The following ARL8B variants were observed in gnomAD, a reference collection of about 807,000 sequenced individuals.
The protein encoded by ARL8B is ARF like GTPase 8B.
Under a neutral mutation model 30.6 loss-of-function variants are expected in ARL8B, and 9 were observed. The ratio of observed to expected loss-of-function variants is 0.29; its 90% CI spans 0.18 to 0.51. ARL8B has a LOEUF of 0.51. Ranked by LOEUF, ARL8B falls within the 20% of genes least tolerant of loss-of-function variation. The pLI is 0.97. For synonymous variants in ARL8B, 74 were observed against 76.0 expected (o/e 0.97, Z 0.14); for missense variants, 130 against 227.2 (o/e 0.57, Z 2.75).
chr3:5,162,412 A>C (rs2054591263), intron 1 of ARL8B, among the ~76,000 whole-genome samples: 1 of 152,164 alleles, frequency 6.6e-6, no homozygotes. Flanking sequence ...TTTTTGGAAG[A>C]GTTAGATTTG....
chr3:5,126,052 C>CA (rs780192571), intron 1 of ARL8B, among the ~76,000 whole-genome samples: 38 of 151,510 alleles, frequency 2.5e-4, no homozygotes, highest in Non-Finnish European at 4.9e-4. Flanking sequence ...AGAAAAAAGA[C>CA]ATCTGGGCTG....
chr3:5,128,146 G>C (rs899043853), intron 1 of ARL8B, among the ~76,000 whole-genome samples: 12 of 124,858 alleles, frequency 9.6e-5, no homozygotes, highest in Middle Eastern at 6.8e-3. Context: ...CTGGGCAACA[G>C]AGTGAAAATC....
intron 1 of ARL8B, among the ~76,000 whole-genome samples, chr3:5,163,742 C>T (rs1422210084): frequency 2.6e-5 from 4 of 152,016 alleles, no homozygotes; most frequent in South Asian, 4.2e-4. Flanking sequence ...TGGTGGCACG[C>T]GCGTGTAATC....
chr3:5,156,184 TC>T (rs2054531724), intron 1 of ARL8B, among the ~76,000 whole-genome samples: 1 of 152,004 alleles, frequency 6.6e-6, no homozygotes, highest in African/African-American at 2.4e-5. Flanking sequence ...ATTATAGGCG[TC>T]AGCCCCCGCA....
At chr3:5,142,884 C>T (rs150900533) in intron 1 of ARL8B, among the ~76,000 whole-genome samples, 5 of 152,234 alleles carry the variant, frequency 3.3e-5, no homozygotes, top group Non-Finnish European at 5.9e-5. Context: ...TATAGGGTTG[C>T]GTTCTAAATT....
intron 1 of ARL8B, among the ~76,000 whole-genome samples, chr3:5,141,932 T>C (rs1394482521): frequency 6.6e-6 from 1 of 152,228 alleles, no homozygotes; most frequent in East Asian, 1.9e-4. Context: ...AGAAGAGTGC[T>C]GACTCAAACC....
rs2054759565 is a variant in ARL8B, at chr3:5,179,564, C to G, written c.*851C>G. ...GAGCATTCCACCCAATATAATAAAA[C>G]CTGTTAAGAATGTCAGTCTTTGTTC... On this transcript the variant is annotated 3_prime_UTR_variant, in exon 7 of 7. Coordinates refer to ENST00000256496, the MANE Select transcript of ARL8B (RefSeq NM_018184.3). The G allele has an allele frequency of 6.6e-6, 1 of 152,564 alleles. No homozygotes were observed. Among genetic ancestry groups the G allele is most frequent in the Non-Finnish European group, 1.5e-5 (1 of 68,024 alleles). 9.5% of individuals were successfully genotyped at this position (152,564 alleles called of 1,614,324 possible).
intron 1 of ARL8B, 78 bp downstream of exon 1, chr3:5,122,666 G>A: frequency 6.7e-7 from 1 of 1,496,870 alleles, no homozygotes; most frequent in South Asian, 1.3e-5. Context: ...GCCTGAGTTG[G>A]GGCCCCCCTC....
chr3:5,161,305 AAGAC>A (rs2054578291), intron 1 of ARL8B, among the ~76,000 whole-genome samples: 1 of 152,194 alleles, frequency 6.6e-6, no homozygotes, highest in African/African-American at 2.4e-5. Context: ...ACATCAAAAA[AAGAC>A]AAAACAAAAA....
rs998594738 is a variant in ARL8B, at chr3:5,131,128, G to C, written c.123+8540G>C. On this transcript the variant is annotated intron_variant, in intron 1 of 6. Transcript: ENST00000256496. ...AGGTTTCACCATGTGGGCCAGGCTG[G>C]TGTCAAACTCCTGTGATCTGTCCGC... 2.6e-5 allele frequency among the ~76,000 whole-genome samples: 4 copies of C among 152,024 alleles called. No homozygotes were observed. In the East Asian group the frequency reaches 7.8e-4, roughly 30 times the overall value.
At chr3:5,163,501 G>GA (rs1222065146) in intron 1 of ARL8B, among the ~76,000 whole-genome samples, 10 of 152,190 alleles carry the variant, frequency 6.6e-5, no homozygotes, top group Admixed American at 5.2e-4. Flanking sequence ...GAAATTGGGA[G>GA]AAAATGAACA....
intron 5 of ARL8B, 106 bp downstream of exon 5, chr3:5,174,190 A>G (rs2054704182): frequency 3.4e-6 from 4 of 1,180,778 alleles, no homozygotes; most frequent in African/African-American, 3.1e-5. Context: ...TAGGTAGATA[A>G]AAGTTGGCCT....
At chr3:5,135,645 G>C (rs576011680) in intron 1 of ARL8B, among the ~76,000 whole-genome samples, 1 of 151,740 alleles carries the variant, frequency 6.6e-6, no homozygotes, top group African/African-American at 2.4e-5. Context: ...TTTTGGTAGA[G>C]ACGGAGTTTC....
chr3:5,170,065 T>G (rs1006588565), intron 1 of ARL8B, among the ~76,000 whole-genome samples: 7 of 152,204 alleles, frequency 4.6e-5, no homozygotes, highest in Middle Eastern at 3.2e-3. Context: ...TGACAAAATA[T>G]TTTATAAGCC....
At chr3:5,163,366 C>T (rs149045379) in intron 1 of ARL8B, among the ~76,000 whole-genome samples, 22 of 152,200 alleles carry the variant, frequency 1.4e-4, no homozygotes, top group African/African-American at 5.3e-4. Flanking sequence ...TTAACATGTA[C>T]TTTTTAACTA....
chr3:5,131,294 A>G (rs934391243), intron 1 of ARL8B, among the ~76,000 whole-genome samples: 1 of 152,194 alleles, frequency 6.6e-6, no homozygotes, highest in African/African-American at 2.4e-5. Context: ...TATCAGAGGA[A>G]AATCTAGGAA....
At chr3:5,142,525 C>T (rs928548797) in intron 1 of ARL8B, among the ~76,000 whole-genome samples, 5 of 152,180 alleles carry the variant, frequency 3.3e-5, no homozygotes, top group African/African-American at 1.2e-4. Flanking sequence ...CTGAGGTCCT[C>T]CCGTAGCACA....
chr3:5,136,518 G>C (rs144769257), intron 1 of ARL8B, among the ~76,000 whole-genome samples: 175 of 152,282 alleles, frequency 1.1e-3, no homozygotes, highest in African/African-American at 4.0e-3. Flanking sequence ...TGACTTTATA[G>C]TGTTCCATGT....
chr3:5,163,884 A>AG (rs967955185), intron 1 of ARL8B, among the ~76,000 whole-genome samples: 2 of 152,178 alleles, frequency 1.3e-5, no homozygotes, highest in African/African-American at 4.8e-5. Context: ...AGAAAAAAAG[A>AG]GAGAGTGCTG....
Sources: allele counts gnomAD v4.1 joint callset (sites outside exome capture counted in the v4.1 genomes callset), GRCh38; gene constraint gnomAD v4.1.1; transcripts MANE v1.5; gene names NCBI Gene and HGNC (gene_info 2026-07-23, HGNC 2026-07-21).